SCUBE3: variants seen among roughly 807,000 people sequenced by gnomAD.
SCUBE3 encodes the protein signal peptide, CUB domain and EGF like domain containing 3, also known as signal peptide, CUB and EGF-like domain-containing protein 3.
A neutral mutation model predicts 116.8 loss-of-function variants in SCUBE3; 33 were observed. That is an observed-to-expected ratio of 0.28 (90% CI 0.21 to 0.38). SCUBE3 has a LOEUF of 0.38. Among genes scored for constraint, SCUBE3 ranks in the 10% least tolerant of loss-of-function variants. The pLI is 1.00. For missense variants in SCUBE3, 1,007 were observed against 1,324.8 expected (o/e 0.76, Z 3.72); for synonymous variants, 418 against 496.9 (o/e 0.84, Z 2.11).
rs761901352 is a variant in SCUBE3 at position 35,240,530 on chromosome 6, C to T, written c.1069+40C>T. The T allele has an allele frequency of 4.8e-6, 5 of 1,045,666 alleles. No homozygotes were observed. In the South Asian group the frequency reaches 7.1e-5, roughly 15 times the overall value. The allele number at this position is 1,045,666 out of a possible 1,614,324, so 64.8% of individuals were successfully genotyped here. A position where few individuals can be genotyped will look rare whatever the true frequency, so the allele number is the denominator to read the frequency against. On this transcript the variant is annotated intron_variant, in intron 9 of 21. Coordinates refer to ENST00000274938, the MANE Select transcript of SCUBE3 (RefSeq NM_152753.4). The surrounding 1 kb of genome is among the most constrained non-coding windows in gnomAD (Gnocchi z 4.6). ...TTGCACCCCCAGCCACCCTGGCCCCCTCACCTCTTCACCCTCCAATTGAAC... is the reference window on the plus strand; with the variant it reads ...TTGCACCCCCAGCCACCCTGGCCCCTTCACCTCTTCACCCTCCAATTGAAC...
chr6:35,227,772 T>C, intron 2 of SCUBE3, 70 bp downstream of exon 2: 1 of 1,526,202 alleles, frequency 6.6e-7, no homozygotes, highest in East Asian at 2.3e-5. Flanking sequence ...CTGCCCTCAG[T>C]TGGCCACTCT....
intron 1 of SCUBE3, among the ~76,000 whole-genome samples, chr6:35,225,550 G>A (rs932105278): frequency 2.0e-5 from 3 of 152,200 alleles, no homozygotes; most frequent in Non-Finnish European, 4.4e-5. Context: ...GAGGTGGAGA[G>A]TAAGTGTAGA....
At position 35,235,725 on chromosome 6, in the gene SCUBE3, T is replaced by C. The variant is rs1783741934; in HGVS notation, c.713-2177T>C. Among the ~76,000 whole-genome samples, 1 of 152,010 alleles carries C rather than the reference T, an allele frequency of 6.6e-6. No individual in the cohort carries two copies. Among genetic ancestry groups the C allele is most frequent in the South Asian group, 2.1e-4 (1 of 4,820 alleles). On this transcript the variant is annotated intron_variant, in intron 6 of 21. Transcript: ENST00000274938. This position sits in a 1 kb window ranked among gnomAD's most constrained non-coding sequence, Gnocchi z 4.5. ...TTGGTCTCGTCTTTGTTCCTGTCAC[T>C]CTCCTTCTGCCCTTCCTCTTCTGCT...
At position 35,248,276 on chromosome 6, in the gene SCUBE3, G is replaced by C. The variant is rs80188064; in HGVS notation, c.2833-280G>C. Among the ~76,000 whole-genome samples the C allele has an allele frequency of 5.4e-4, 82 of 152,280 alleles. No homozygotes were observed. The East Asian group carries it at 0.012, about 22-fold the overall frequency. On this transcript the variant is annotated intron_variant, in intron 21 of 21. Coordinates refer to ENST00000274938, the MANE Select transcript of SCUBE3 (RefSeq NM_152753.4). ...TGGTCAGACCCAGACATATTTTGAA[G>C]GTAGAGTCAATAGGATTTGCTATAC...
At position 35,241,072 on chromosome 6, in the gene SCUBE3, C is replaced by T. The variant is rs575880244; in HGVS notation, c.1070-69C>T. The stretch of plus-strand genomic sequence containing the variant: ...GAAACTCTAACCAAAGGCCCTCACT[C>T]ACTGCCTACTCTCCGGCTCCTCCTC... On this transcript the variant is annotated intron_variant, in intron 9 of 21. Transcript: ENST00000274938. This position sits in a 1 kb window ranked among gnomAD's most constrained non-coding sequence, Gnocchi z 4.1. 2.0e-6 allele frequency: 3 copies of T among 1,487,974 alleles called. No homozygotes were observed. The African/African-American group carries it at 4.2e-5, about 21-fold the overall frequency. 92.2% of individuals were successfully genotyped at this position (1,487,974 alleles called of 1,614,324 possible).
intron 1 of SCUBE3, chr6:35,224,025 G>A (rs1299060303): frequency 6.6e-6 from 1 of 152,148 alleles, no homozygotes; most frequent in Non-Finnish European, 1.5e-5. Context: ...CAGTCCCCTT[G>A]GACCAGGAAC....
At position 35,239,722 on chromosome 6, in the gene SCUBE3, CT is replaced by C; in HGVS notation, c.830-26del. The C allele has an allele frequency of 6.2e-7, 1 of 1,606,174 alleles. No individual in the cohort carries two copies. Among genetic ancestry groups the C allele is most frequent in the Non-Finnish European group, 8.5e-7 (1 of 1,176,314 alleles). Reference sequence around the variant, plus strand: ...GTTTGTTCTCAGCCTTTGATAGTATCTTTTATCCTGTTTTGTCCTCCTTCTT... The same window carrying C: ...GTTTGTTCTCAGCCTTTGATAGTATCTTTATCCTGTTTTGTCCTCCTTCTT... On this transcript the variant is annotated intron_variant, in intron 7 of 21. Transcript: ENST00000274938. This position sits in a 1 kb window ranked among gnomAD's most constrained non-coding sequence, Gnocchi z 4.1.
At chr6:35,218,165 C>A (rs1461137602) in intron 1 of SCUBE3, 2 of 984,980 alleles carry the variant, frequency 2.0e-6, no homozygotes, top group South Asian at 4.7e-5. Flanking sequence ...ATGTGAGCAG[C>A]TGGGACCTGT....
Position 35,242,603 on chromosome 6 carries a change from G to T in SCUBE3, c.1535-19G>T. ...CTTTCCAGGGGATGTCCCTGGGGTT[G>T]ACAAGCCCTCTCTCCCAGGTGGTGC... On this transcript the variant is annotated intron_variant, in intron 13 of 21. Coordinates refer to ENST00000274938, the MANE Select transcript of SCUBE3 (RefSeq NM_152753.4). The T allele has an allele frequency of 1.3e-6, 2 of 1,599,712 alleles. No homozygotes were observed. Among genetic ancestry groups the T allele is most frequent in the Non-Finnish European group, 1.7e-6 (2 of 1,168,392 alleles).
chr6:35,235,303 GTC>G lies in SCUBE3; in HGVS notation c.712+2003_712+2004del. On this transcript the variant is annotated intron_variant, in intron 6 of 21. Coordinates refer to ENST00000274938, the MANE Select transcript of SCUBE3 (RefSeq NM_152753.4). The surrounding 1 kb of genome is among the most constrained non-coding windows in gnomAD (Gnocchi z 4.5). The stretch of plus-strand genomic sequence containing the variant: ...CAGGATAAGGATGAGGAGTGAAGCT[GTC>G]ATAAGGGTCCCAGGGCTCATCATTT... The G allele has an allele frequency of 5.0e-6, 2 of 400,614 alleles. No homozygotes were observed. Among genetic ancestry groups the G allele is most frequent in the Non-Finnish European group, 1.0e-5 (2 of 199,744 alleles). The allele number at this position is 400,614 out of a possible 1,614,324, so 24.8% of individuals were successfully genotyped here.
chr6:35,247,046 G>A (rs1205303563), intron 21 of SCUBE3, among the ~76,000 whole-genome samples: 1 of 152,126 alleles, frequency 6.6e-6, no homozygotes, highest in East Asian at 1.9e-4. Context: ...TTTATGTACA[G>A]ACTTCTTTTC....
intron 12 of SCUBE3, 107 bp from the exon 13 acceptor site, chr6:35,242,097 C>A: frequency 1.1e-6 from 1 of 909,532 alleles, no homozygotes; most frequent in Non-Finnish European, 1.8e-6. Context: ...TAATCTCACT[C>A]CCCCAGCCAA....
intron 21 of SCUBE3, 76 bp downstream of exon 21, chr6:35,246,361 T>TATA (rs1251083963): frequency 2.9e-5 from 30 of 1,044,758 alleles, no homozygotes; most frequent in Non-Finnish European, 4.5e-5. Flanking sequence ...GGCTAAGTGC[T>TATA]TACATGAATA....
intron 21 of SCUBE3, among the ~76,000 whole-genome samples, chr6:35,247,621 A>C (rs1784402484): frequency 6.6e-6 from 1 of 152,238 alleles, no homozygotes. Context: ...ATACTTTTCA[A>C]ACATTTTTAA....
chr6:35,234,760 C>T (rs752157033), intron 6 of SCUBE3, among the ~76,000 whole-genome samples: 1 of 152,210 alleles, frequency 6.6e-6, no homozygotes, highest in Non-Finnish European at 1.5e-5. Context: ...TCTGATCCCT[C>T]TCTGATTTAT....
intron 2 of SCUBE3, 82 bp downstream of exon 2, chr6:35,227,784 C>T: frequency 2.1e-6 from 3 of 1,409,232 alleles, no homozygotes; most frequent in Admixed American, 1.8e-5. Context: ...GGCCACTCTC[C>T]ATCACATCAA....
chr6:35,242,356 G>A (rs1404352335), intron 13 of SCUBE3, 36 bp downstream of exon 13: 2 of 1,423,190 alleles, frequency 1.4e-6, no homozygotes, highest in Non-Finnish European at 2.0e-6. Flanking sequence ...TTGGCTGTCT[G>A]GCCACTAAAT....
chr6:35,235,423 A>C lies in SCUBE3; in HGVS notation c.712+2122A>C. The C allele has an allele frequency of 1.6e-6, 2 of 1,257,570 alleles. No homozygotes were observed. The highest frequency in any genetic ancestry group is 1.5e-5 in the African/African-American group (1 of 65,742). The allele number at this position is 1,257,570 out of a possible 1,614,324, so 77.9% of individuals were successfully genotyped here. A position where few individuals can be genotyped will look rare whatever the true frequency, so the allele number is the denominator to read the frequency against. ...AGTGGCTTCTGCCCAGCACCTAAAC[A>C]GCTTTTTTACAATGTCAAACAGGGG... On this transcript the variant is annotated intron_variant, in intron 6 of 21. Coordinates refer to ENST00000274938, the MANE Select transcript of SCUBE3 (RefSeq NM_152753.4). This position sits in a 1 kb window ranked among gnomAD's most constrained non-coding sequence, Gnocchi z 4.5.
chr6:35,241,495 G>A lies in SCUBE3; in HGVS notation c.1196-48G>A. 1.5e-6 allele frequency: 2 copies of A among 1,361,236 alleles called. No individual in the cohort carries two copies. The highest frequency in any genetic ancestry group is 2.1e-6 in the Non-Finnish European group (2 of 949,634). The allele number at this position is 1,361,236 out of a possible 1,614,324, so 84.3% of individuals were successfully genotyped here. A position where few individuals can be genotyped will look rare whatever the true frequency, so the allele number is the denominator to read the frequency against. ...GCTGATTCCTCCAAATTACCCAACTGAGGGAAAGGAATGCATTCATTTGCT... is the reference window on the plus strand; with the variant it reads ...GCTGATTCCTCCAAATTACCCAACTAAGGGAAAGGAATGCATTCATTTGCT... On this transcript the variant is annotated intron_variant, in intron 10 of 21. Transcript: ENST00000274938. The surrounding 1 kb of genome is among the most constrained non-coding windows in gnomAD (Gnocchi z 4.1).
Sources: allele counts gnomAD v4.1 joint callset (sites outside exome capture counted in the v4.1 genomes callset), GRCh38; gene constraint gnomAD v4.1.1; non-coding constraint Gnocchi (gnomAD v3.1); transcripts MANE v1.5; gene names NCBI Gene and HGNC (gene_info 2026-07-23, HGNC 2026-07-21).